Variants in MYO16 observed in about 807,000 individuals in gnomAD.
The protein encoded by MYO16 is myosin XVI.
A neutral mutation model predicts 205.3 loss-of-function variants in MYO16; 94 were observed. The ratio of observed to expected loss-of-function variants is 0.46; its 90% CI spans 0.39 to 0.54. The LOEUF is 0.54. Among genes scored for constraint, MYO16 ranks in the 20% least tolerant of loss-of-function variants. MYO16 has a pLI of 0.00. For synonymous variants in MYO16, 988 were observed against 954.0 expected (o/e 1.04, Z -0.66); for missense variants, 2,315 against 2,387.5 (o/e 0.97, Z 0.63).
intron 15 of MYO16, among the ~76,000 whole-genome samples, chr13:108,899,418 C>T (rs940545336): frequency 6.8e-6 from 1 of 147,958 alleles, no homozygotes; most frequent in Admixed American, 6.6e-5. Context: ...AGCCAAACTC[C>T]ATCTCAAAAA....
the MYO16 span, among the ~76,000 whole-genome samples, chr13:108,567,564 A>G: frequency 6.6e-6 from 1 of 152,228 alleles, no homozygotes. Context: ...GAGGATACTC[A>G]TGGCATCTCT....
At chr13:108,930,624 T>A (rs886682527) in intron 16 of MYO16, among the ~76,000 whole-genome samples, 2 of 152,278 alleles carry the variant, frequency 1.3e-5, no homozygotes, top group Admixed American at 6.5e-5. Context: ...CACAAAAAAA[T>A]TATGCTAAGT....
Position 108,708,089 on chromosome 13 carries a change from GA to G in MYO16, c.293-4570del, listed in dbSNP as rs1204834393. 5.3e-5 allele frequency among the ~76,000 whole-genome samples: 8 copies of G among 152,274 alleles called. No individual in the cohort carries two copies. The East Asian group carries it at 1.5e-3, about 29-fold the overall frequency. ...GGGGTGATAATAAAAAACAGATTGA[GA>G]AGCCCGGAACTAGCAACATTCATCT... is the stretch of plus-strand genomic sequence containing the variant. On this transcript the variant is annotated intron_variant, in intron 2 of 34. Coordinates refer to ENST00000457511, the MANE Select transcript of MYO16 (RefSeq NM_001198950.3).
chr13:108,676,578 G>T (rs1372595992), intron 2 of MYO16, among the ~76,000 whole-genome samples: 1 of 152,178 alleles, frequency 6.6e-6, no homozygotes, highest in African/African-American at 2.4e-5. Context: ...TCAGGATCAG[G>T]GTGGGTCCCC....
At chr13:108,727,627 T>A (rs1237790925) in intron 4 of MYO16, 44 bp downstream of exon 4, 2 of 1,578,216 alleles carry the variant, frequency 1.3e-6, no homozygotes, top group Admixed American at 1.9e-5. Flanking sequence ...TTTGATGGCA[T>A]GTAAAAGGCT....
chr13:108,793,934 G>A (rs1443884789), intron 6 of MYO16, among the ~76,000 whole-genome samples: 1 of 152,134 alleles, frequency 6.6e-6, no homozygotes, highest in Non-Finnish European at 1.5e-5. Context: ...CAACCTAGAT[G>A]TCCGTCAAGG....
intron 17 of MYO16, 40 bp downstream of exon 17, chr13:108,957,839 T>C: frequency 2.1e-6 from 3 of 1,433,368 alleles, no homozygotes; most frequent in Non-Finnish European, 2.9e-6. Flanking sequence ...AAAATCAACC[T>C]TCTACTAATT....
intron 20 of MYO16, among the ~76,000 whole-genome samples, chr13:108,986,748 A>G (rs955640627): frequency 6.6e-6 from 1 of 151,814 alleles, no homozygotes; most frequent in African/African-American, 2.4e-5. Flanking sequence ...ACAGTTATTG[A>G]TGAACTGCTC....
At chr13:108,528,595 TC>T in the MYO16 span, among the ~76,000 whole-genome samples, 2 of 15,974 alleles carry the variant, frequency 1.3e-4, no homozygotes, top group Non-Finnish European at 1.2e-4. Flanking sequence ...TTTCCCCTCC[TC>T]TCCCCTCTCC....
chr13:109,183,656 A>G (rs1050641329), intron 34 of MYO16, among the ~76,000 whole-genome samples: 2 of 152,126 alleles, frequency 1.3e-5, no homozygotes, highest in African/African-American at 4.8e-5. Context: ...TATTTTCATT[A>G]TGGGCATTTA....
At chr13:108,509,232 C>A in the MYO16 span, among the ~76,000 whole-genome samples, 3 of 149,088 alleles carry the variant, frequency 2.0e-5, no homozygotes, top group Non-Finnish European at 3.0e-5. Context: ...AATTGGAATC[C>A]CAGATAAATA....
intron 7 of MYO16, among the ~76,000 whole-genome samples, chr13:108,813,703 ACT>A (rs779286943): frequency 1.3e-5 from 2 of 151,778 alleles, no homozygotes; most frequent in Admixed American, 1.3e-4. Context: ...ACACATACAC[ACT>A]CTCTCTCTTT....
At chr13:109,156,376 G>T (rs1421932376) in intron 32 of MYO16, among the ~76,000 whole-genome samples, 1 of 152,164 alleles carries the variant, frequency 6.6e-6, no homozygotes, top group Non-Finnish European at 1.5e-5. Context: ...TTCCCTTCAT[G>T]CAATAGCCTT....
Position 108,815,068 on chromosome 13 carries a change from C to T in MYO16, c.868-5269C>T, listed in dbSNP as rs1486096708. ...AATTTTTTTACAGTAGTGTTACAAG[C>T]ATAACATAGATAGTAATATGTTTAA... On this transcript the variant is annotated intron_variant, in intron 7 of 34. Transcript: ENST00000457511. 2.6e-5 allele frequency among the ~76,000 whole-genome samples: 4 copies of T among 152,250 alleles called. No individual in the cohort carries two copies. The East Asian group carries it at 7.7e-4, about 29-fold the overall frequency.
At chr13:108,633,399 C>T (rs1880076604) in intron 1 of MYO16, among the ~76,000 whole-genome samples, 1 of 152,102 alleles carries the variant, frequency 6.6e-6, no homozygotes, top group Admixed American at 6.5e-5. Context: ...TCCAAGAGTC[C>T]AAAAGCGGAA....
At chr13:108,708,688 G>T (rs959460382) in intron 2 of MYO16, among the ~76,000 whole-genome samples, 1 of 152,210 alleles carries the variant, frequency 6.6e-6, no homozygotes, top group East Asian at 1.9e-4. Flanking sequence ...GAATTCAAGA[G>T]CCACTGTGGT....
chr13:109,046,317 A>G (rs1477635549), intron 23 of MYO16, among the ~76,000 whole-genome samples: 1 of 151,946 alleles, frequency 6.6e-6, no homozygotes, highest in African/African-American at 2.4e-5. Context: ...GAGACAACAA[A>G]CTATTTCAGT....
chr13:108,960,213 C>T (rs1288392068), intron 17 of MYO16, among the ~76,000 whole-genome samples: 4 of 146,152 alleles, frequency 2.7e-5, no homozygotes, highest in East Asian at 4.0e-4. Flanking sequence ...AGGTCAAGGC[C>T]GTAGTAAGTT....
At chr13:108,951,363 TTA>T (rs1460724184) in intron 16 of MYO16, among the ~76,000 whole-genome samples, 3 of 152,120 alleles carry the variant, frequency 2.0e-5, no homozygotes, top group Non-Finnish European at 4.4e-5. Flanking sequence ...GGAAAGTGAA[TTA>T]TGCATCAACC....
Sources: allele counts gnomAD v4.1 joint callset (sites outside exome capture counted in the v4.1 genomes callset), GRCh38; gene constraint gnomAD v4.1.1; transcripts MANE v1.5; gene names NCBI Gene and HGNC (gene_info 2026-07-23, HGNC 2026-07-21).